SRPK2: variants seen among roughly 807,000 people sequenced by gnomAD.
SRPK2 encodes the protein SRSF protein kinase 2, also known as SFRS protein kinase 2.
SRPK2 carries 21 observed loss-of-function variants against 90.8 expected under a neutral mutation model. The observed-to-expected ratio is 0.23, with a 90% CI of 0.16 to 0.33. The LOEUF (loss-of-function observed/expected upper bound fraction) is 0.33, where lower values mean the gene tolerates loss of function less well. Ranked by LOEUF, SRPK2 falls within the 10% of genes least tolerant of loss-of-function variation. The pLI is 1.00. For missense variants in SRPK2, 620 were observed against 869.0 expected (o/e 0.71, Z 3.60); for synonymous variants, 288 against 311.1 (o/e 0.93, Z 0.78).
At chr7:105,250,308 C>G (rs951942691) in intron 2 of SRPK2, among the ~76,000 whole-genome samples, 10 of 152,052 alleles carry the variant, frequency 6.6e-5, no homozygotes, top group Non-Finnish European at 1.0e-4. Context: ...CCATTACACT[C>G]CAGCCTGGGC....
chr7:105,371,041 G>T (rs1819634581), intron 2 of SRPK2, among the ~76,000 whole-genome samples: 1 of 152,128 alleles, frequency 6.6e-6, no homozygotes, highest in Non-Finnish European at 1.5e-5. Flanking sequence ...GTGAGGCTAA[G>T]AATTCAACAT....
chr7:105,195,215 A>G (rs1794771673), intron 3 of SRPK2, among the ~76,000 whole-genome samples: 1 of 151,680 alleles, frequency 6.6e-6, no homozygotes, highest in Non-Finnish European at 1.5e-5. Context: ...GTGCCCGGCT[A>G]ATTTTTTGTA....
chr7:105,353,192 T>TAAGC (rs1158546294), intron 2 of SRPK2, among the ~76,000 whole-genome samples: 1 of 152,222 alleles, frequency 6.6e-6, no homozygotes, highest in African/African-American at 2.4e-5. Context: ...AGCACAGTTG[T>TAAGC]AAGCTTCGAC....
intron 11 of SRPK2, among the ~76,000 whole-genome samples, chr7:105,141,678 G>A (rs1327902734): frequency 6.6e-6 from 1 of 152,178 alleles, no homozygotes; most frequent in Admixed American, 6.5e-5. Context: ...TTAGATGGAA[G>A]AAGATACGAA....
At chr7:105,238,119 G>A (rs1800355353) in intron 2 of SRPK2, among the ~76,000 whole-genome samples, 1 of 152,168 alleles carries the variant, frequency 6.6e-6, no homozygotes, top group African/African-American at 2.4e-5. Flanking sequence ...GTAAACAACA[G>A]CAAAGCAGCA....
intron 2 of SRPK2, among the ~76,000 whole-genome samples, chr7:105,283,789 G>A (rs1270158588): frequency 3.3e-5 from 5 of 151,954 alleles, no homozygotes; most frequent in South Asian, 2.1e-4. Context: ...CCAGGAGTTC[G>A]AGACCAGCCT....
chr7:105,298,534 A>C (rs1323340271), intron 2 of SRPK2, among the ~76,000 whole-genome samples: 1 of 152,196 alleles, frequency 6.6e-6, no homozygotes, highest in African/African-American at 2.4e-5. Context: ...TGACTCTAAG[A>C]AACTGCTAAA....
intron 3 of SRPK2, among the ~76,000 whole-genome samples, chr7:105,198,866 C>T (rs533442709): frequency 3.9e-5 from 6 of 152,170 alleles, no homozygotes; most frequent in Non-Finnish European, 8.8e-5. Flanking sequence ...GACGGAGCTA[C>T]AAAGCAACAC....
chr7:105,297,863 T>A (rs1193586603), intron 2 of SRPK2, among the ~76,000 whole-genome samples: 8 of 150,826 alleles, frequency 5.3e-5, no homozygotes, highest in African/African-American at 1.7e-4. Flanking sequence ...TGCCTCAGCC[T>A]CCCAAGTAGC....
At chr7:105,160,994 T>C (rs1248012283) in intron 6 of SRPK2, among the ~76,000 whole-genome samples, 3 of 152,098 alleles carry the variant, frequency 2.0e-5, no homozygotes, top group African/African-American at 7.2e-5. Flanking sequence ...GGTGTGATCT[T>C]GGCTCACTGC....
intron 2 of SRPK2, among the ~76,000 whole-genome samples, chr7:105,250,407 G>GGA (rs1563145498): frequency 6.7e-6 from 1 of 149,098 alleles, no homozygotes; most frequent in Admixed American, 6.7e-5. Context: ...AACAATGCAA[G>GGA]AAAAAAAAAA....
At chr7:105,389,484 T>G (rs1822080646), upstream of SRPK2, 1 of 1,057,778 alleles carries the variant, frequency 9.5e-7, no homozygotes, top group Non-Finnish European at 1.2e-6. Flanking sequence ...CTCTCCCACC[T>G]CTAAGTGCCC....
At chr7:105,207,921 G>C (rs1049634112) in intron 2 of SRPK2, among the ~76,000 whole-genome samples, 1 of 152,072 alleles carries the variant, frequency 6.6e-6, no homozygotes, top group Non-Finnish European at 1.5e-5. Flanking sequence ...CTTGTATCTA[G>C]AATATATAAA....
intron 2 of SRPK2, among the ~76,000 whole-genome samples, chr7:105,263,470 T>C (rs1392116989): frequency 6.6e-6 from 1 of 152,138 alleles, no homozygotes; most frequent in African/African-American, 2.4e-5. Flanking sequence ...TAATTACAAC[T>C]ACACACAACA....
chr7:105,176,607 G>A (rs1476894176), intron 3 of SRPK2, among the ~76,000 whole-genome samples: 251 of 41,026 alleles, frequency 6.1e-3, no homozygotes, highest in Admixed American at 0.014. Flanking sequence ...GTGTGTGTGT[G>A]TGTATACGTG....
chr7:105,127,578 A>C (rs1034971904), intron 13 of SRPK2, among the ~76,000 whole-genome samples: 2 of 152,182 alleles, frequency 1.3e-5, no homozygotes, highest in African/African-American at 4.8e-5. Context: ...GATTCAACCA[A>C]AGGAAAACCT....
chr7:105,240,653 T>C (rs1421784002), intron 2 of SRPK2, among the ~76,000 whole-genome samples: 2 of 152,138 alleles, frequency 1.3e-5, no homozygotes, highest in Admixed American at 6.5e-5. Flanking sequence ...TTTCAGAAAG[T>C]ACAAGGAGAA....
intron 2 of SRPK2, among the ~76,000 whole-genome samples, chr7:105,327,096 T>A (rs955961233): frequency 1.3e-5 from 2 of 150,418 alleles, no homozygotes; most frequent in Non-Finnish European, 3.0e-5. Flanking sequence ...ATTCAAGGTA[T>A]AAGCAAAAGA....
In SRPK2 at chr7:105,369,200, GA is replaced by G. The variant is rs759413934; in HGVS notation, c.71+19447del. On this transcript the variant is annotated intron_variant, in intron 2 of 15. Coordinates refer to ENST00000393651, the MANE Select transcript of SRPK2 (RefSeq NM_182692.3). ...CTCACTCTGTTGCCCAGGCTGCAGT[GA>G]AATGGCACAATCTCAGCTCACTGCC... Among the ~76,000 whole-genome samples, 9 of 151,762 alleles carry G rather than the reference GA, an allele frequency of 5.9e-5. 1 individual carries two copies. The South Asian group carries it at 1.7e-3, about 28-fold the overall frequency.
Sources: gnomAD v4.1 joint callset for allele counts (sites outside exome capture counted in the v4.1 genomes callset) on GRCh38, gnomAD v4.1.1 for gene constraint, MANE v1.5 for transcripts, NCBI Gene and HGNC (gene_info 2026-07-23, HGNC 2026-07-21) for gene names.